The following SPON1 variants were observed in gnomAD, a reference collection of about 807,000 sequenced individuals.
The protein encoded by SPON1 is spondin 1.
In SPON1, 52 loss-of-function variants were observed where a neutral mutation model predicts 111.7. The observed-to-expected ratio is 0.47, with a 90% confidence interval of 0.37 to 0.59. The LOEUF (loss-of-function observed/expected upper bound fraction) is 0.59, where lower values mean the gene tolerates loss of function less well. SPON1 is among the 20% of genes least tolerant of loss of function. SPON1 has a pLI of 0.00. For missense variants in SPON1, 957 were observed against 1,068.5 expected (o/e 0.90, Z 1.46); for synonymous variants, 410 against 395.8 (o/e 1.04, Z -0.43).
chr11:14,037,714 AAG>A (rs1364119141), intron 2 of SPON1, among the ~76,000 whole-genome samples: 2 of 152,214 alleles, frequency 1.3e-5, no homozygotes, highest in Non-Finnish European at 2.9e-5. Context: ...TTATCCATGA[AAG>A]AAATAATTGA....
chr11:14,159,881 G>A (rs1050421608), intron 6 of SPON1, among the ~76,000 whole-genome samples: 4 of 145,796 alleles, frequency 2.7e-5, no homozygotes, highest in African/African-American at 5.0e-5. Context: ...AATTTCCAGA[G>A]GCTGGGAAGG....
At position 14,266,716 on chromosome 11, in the gene SPON1, T is replaced by C. The variant is rs1849274065; in HGVS notation, c.*1029T>C. The stretch of plus-strand genomic sequence containing the variant: ...CTGTACTTTAAAGTTATTTTAGTCA[T>C]GAAATTTTATATGCAGAGAGAAAAA... On this transcript the variant is annotated 3_prime_UTR_variant, in exon 16 of 16. Transcript: ENST00000576479. The C allele has an allele frequency of 6.6e-6, 1 of 152,152 alleles. No individual in the cohort carries two copies. Among genetic ancestry groups the C allele is most frequent in the South Asian group, 2.1e-4 (1 of 4,826 alleles). The allele number at this position is 152,152 out of a possible 1,614,324, so 9.4% of individuals were successfully genotyped here.
chr11:14,067,832 G>A (rs1465569307), intron 3 of SPON1, among the ~76,000 whole-genome samples: 1 of 152,210 alleles, frequency 6.6e-6, no homozygotes, highest in Admixed American at 6.5e-5. Context: ...GGAAGATGGA[G>A]GGAATGGATG....
rs573966701 is a variant in SPON1 at position 13,989,674 on chromosome 11, T to C, written c.345+6721T>C. Among the ~76,000 whole-genome samples the C allele has an allele frequency of 9.2e-5, 14 of 152,368 alleles. No individual in the cohort carries two copies. The South Asian group carries it at 2.9e-3, about 32-fold the overall frequency. On this transcript the variant is annotated intron_variant, in intron 2 of 15. Transcript: ENST00000576479. The stretch of plus-strand genomic sequence containing the variant: ...TTTAGATCTTTCCTGCTTTCTCTTG[T>C]GGGCATTTAGTGCTATAAATTTCCC...
chr11:14,146,699 T>G (rs546021886), intron 6 of SPON1, among the ~76,000 whole-genome samples: 185 of 152,256 alleles, frequency 1.2e-3, no homozygotes, highest in Non-Finnish European at 2.1e-3. Context: ...AAACCAGATA[T>G]AAAAACGTTA....
chr11:14,066,523 ATATGAGT>A (rs570148682), intron 3 of SPON1, among the ~76,000 whole-genome samples: 3 of 152,340 alleles, frequency 2.0e-5, no homozygotes, highest in Admixed American at 2.0e-4. Flanking sequence ...TATTTCATTC[ATATGAGT>A]TGAAGAGTTT....
intron 5 of SPON1, among the ~76,000 whole-genome samples, chr11:14,116,969 A>G (rs1050530493): frequency 1.3e-5 from 2 of 152,136 alleles, no homozygotes; most frequent in African/African-American, 4.8e-5. Context: ...GTTTTATGCT[A>G]TTGTGAATAA....
chr11:14,073,801 G>A (rs1848895903), intron 3 of SPON1, among the ~76,000 whole-genome samples: 1 of 152,190 alleles, frequency 6.6e-6, no homozygotes, highest in Non-Finnish European at 1.5e-5. Flanking sequence ...TTATGACAGT[G>A]TCCTGGAACC....
chr11:13,998,328 A>G (rs1848289546), intron 2 of SPON1, among the ~76,000 whole-genome samples: 1 of 152,188 alleles, frequency 6.6e-6, no homozygotes, highest in Non-Finnish European at 1.5e-5. Context: ...GATGTATGGG[A>G]GAGACAAGAC....
In SPON1 at chr11:14,132,155, G is replaced by A. The variant is rs568439447; in HGVS notation, c.677-3265G>A. Among the ~76,000 whole-genome samples the A allele has an allele frequency of 2.6e-5, 4 of 152,226 alleles. No homozygotes were observed. The East Asian group carries it at 7.7e-4, about 29-fold the overall frequency. ...TAGCTGGGCGTGGTGGCGGACGCCT[G>A]TAATCCCAGCTACTAGGGAGGCTGA... On this transcript the variant is annotated intron_variant, in intron 5 of 15. Transcript: ENST00000576479.
rs1212002281 is a variant in SPON1, at chr11:13,963,199, C to G, written c.238+57C>G. On this transcript the variant is annotated intron_variant, in intron 1 of 15. Coordinates refer to ENST00000576479, the MANE Select transcript of SPON1 (RefSeq NM_006108.4). ...GCGGGACCCGGTCCCCGGAGGGCGC[C>G]GACCTCGCGGTGCCGGAGGAGGGCG... The G allele has an allele frequency of 4.5e-5, 61 of 1,351,516 alleles. 1 individual carries two copies. The highest frequency in any genetic ancestry group is 6.0e-5 in the Non-Finnish European group (61 of 1,023,814). 83.7% of individuals were successfully genotyped at this position (1,351,516 alleles called of 1,614,324 possible). A position where few individuals can be genotyped will look rare whatever the true frequency, so the allele number is the denominator to read the frequency against.
In SPON1 at chr11:14,135,073, A is replaced by T. The variant is rs1847574867; in HGVS notation, c.677-347A>T. 5.8e-6 allele frequency: 1 copy of T among 172,316 alleles called. No homozygotes were observed. The highest frequency in any genetic ancestry group is 6.0e-5 in the Admixed American group (1 of 16,706). 10.7% of individuals were successfully genotyped at this position (172,316 alleles called of 1,614,324 possible). On this transcript the variant is annotated intron_variant, in intron 5 of 15. Coordinates refer to ENST00000576479, the MANE Select transcript of SPON1 (RefSeq NM_006108.4). This position sits in a 1 kb window ranked among gnomAD's most constrained non-coding sequence, Gnocchi z 4.4. ...CAAGCCTGGTTAGCACTTGGATGGGAGTCTGCCAGAACAGTCCTTTCTACT... is the reference window on the plus strand; with the variant it reads ...CAAGCCTGGTTAGCACTTGGATGGGTGTCTGCCAGAACAGTCCTTTCTACT...
chr11:14,171,319 T>C (rs1255940920), intron 6 of SPON1, among the ~76,000 whole-genome samples: 2 of 152,354 alleles, frequency 1.3e-5, no homozygotes, highest in East Asian at 3.9e-4. Flanking sequence ...TAGTTTGTAT[T>C]TCTGTGGGAT....
rs189402698 is a variant in SPON1, at chr11:13,982,929, A to G, written c.321A>G (p.Glu107=). The G allele has an allele frequency of 2.1e-4, 332 of 1,555,976 alleles. 1 individual carries two copies. In the African/African-American group the frequency reaches 4.1e-3, roughly 19 times the overall value. The change falls in exon 2 of 16, where the codon GAA becomes GAG. Residue 107 remains glutamate, a synonymous_variant. Transcript: ENST00000576479. ...ALRENREGDK[E]EDHAGTFQII... Reference sequence around the variant, plus strand: ...GAGAGAACAGAGAGGGTGATAAGGAAGAAGACCATGCTGGGACCTTCCAGG... The same window carrying G: ...GAGAGAACAGAGAGGGTGATAAGGAGGAAGACCATGCTGGGACCTTCCAGG...
intron 6 of SPON1, among the ~76,000 whole-genome samples, chr11:14,182,154 G>A (rs570014010): frequency 5.3e-5 from 8 of 152,202 alleles, no homozygotes; most frequent in Admixed American, 3.9e-4. Flanking sequence ...ACACTCTTAA[G>A]CTCCCTGATA....
At position 14,162,157 on chromosome 11, in the gene SPON1, CA is replaced by C. The variant is rs72139147; in HGVS notation, c.825+26605del. Among the ~76,000 whole-genome samples, 1,016 of 112,568 alleles carry C rather than the reference CA, an allele frequency of 9.0e-3. 3 individuals carry two copies. Among genetic ancestry groups the C allele is most frequent in the African/African-American group, 0.022 (704 of 32,224 alleles). The allele number at this position is 112,568 out of a possible 152,430, so 73.8% of individuals were successfully genotyped here. A position where few individuals can be genotyped will look rare whatever the true frequency, so the allele number is the denominator to read the frequency against. ...TGGTCAGAAAAGCAAGACTCTGTCT[CA>C]AAAAAAAAAAAAAAAGACAAAATAA... is the stretch of plus-strand genomic sequence containing the variant. On this transcript the variant is annotated intron_variant, in intron 6 of 15. Coordinates refer to ENST00000576479, the MANE Select transcript of SPON1 (RefSeq NM_006108.4).
At chr11:14,249,992 T>C (rs1054726286) in intron 7 of SPON1, among the ~76,000 whole-genome samples, 2 of 152,192 alleles carry the variant, frequency 1.3e-5, no homozygotes, top group African/African-American at 4.8e-5. Flanking sequence ...CCATGCTGCC[T>C]CTCCAAATGT....
Position 14,262,905 on chromosome 11 carries a change from C to T in SPON1, c.2190C>T (p.Arg730=), listed in dbSNP as rs1324859132. ...GAAATCCATCCATCCAAAAGCTACG[C>T]TGGAGGGAGGCCCGAGAGAGCCGGC... ...CLRNPSIQKL[R]WREARESRRS... is the part of the protein sequence containing the mutation. Residue 730 remains arginine, a synonymous_variant, in exon 15 of 16, where the codon CGC becomes CGT. Coordinates refer to ENST00000576479, the MANE Select transcript of SPON1 (RefSeq NM_006108.4). 1 of 1,613,728 alleles carries T rather than the reference C, an allele frequency of 6.2e-7. No homozygotes were observed. The highest frequency in any genetic ancestry group is 1.1e-5 in the South Asian group (1 of 91,062).
chr11:14,168,525 T>G (rs1554932058), intron 6 of SPON1, among the ~76,000 whole-genome samples: 1 of 152,214 alleles, frequency 6.6e-6, no homozygotes, highest in African/African-American at 2.4e-5. Context: ...TATTATACTT[T>G]AAGTTTTAGG....
Sources: allele counts gnomAD v4.1 joint callset (sites outside exome capture counted in the v4.1 genomes callset), GRCh38; gene constraint gnomAD v4.1.1; non-coding constraint Gnocchi (gnomAD v3.1); transcripts MANE v1.5; gene names NCBI Gene and HGNC (gene_info 2026-07-23, HGNC 2026-07-21).